XIRP2: variants seen among roughly 807,000 people sequenced by gnomAD.
XIRP2 encodes xin actin-binding repeat-containing protein 2.
XIRP2 carries 236 observed loss-of-function variants against 277.0 expected under a neutral mutation model. That is an observed-to-expected ratio of 0.85 (90% CI 0.77 to 0.95). XIRP2 has a LOEUF of 0.95. Ranked by LOEUF, XIRP2 falls within the 40% of genes least tolerant of loss-of-function variation. The probability of loss-of-function intolerance (pLI) is 0.00; values close to 1 mark genes in which losing one functional copy is unlikely to be tolerated. For missense variants in XIRP2, 4,640 were observed against 4,157.5 expected (o/e 1.12, Z -3.19); for synonymous variants, 1,490 against 1,416.5 (o/e 1.05, Z -1.17).
At chr2:167,113,855 A>C (rs1284466814) in intron 2 of XIRP2, among the ~76,000 whole-genome samples, 2 of 152,126 alleles carry the variant, frequency 1.3e-5, no homozygotes, top group Admixed American at 6.5e-5. Context: ...TCCCAACAGC[A>C]TTTGCTTATC....
intron 2 of XIRP2, among the ~76,000 whole-genome samples, chr2:167,120,215 A>C (rs1323638776): frequency 6.6e-6 from 1 of 152,124 alleles, no homozygotes; most frequent in Non-Finnish European, 1.5e-5. Context: ...CTGCCACTCC[A>C]TGAACTTTGT....
intron 3 of XIRP2, among the ~76,000 whole-genome samples, chr2:167,208,914 C>T (rs1010965448): frequency 2.0e-5 from 3 of 152,152 alleles, no homozygotes; most frequent in African/African-American, 7.2e-5. Context: ...AACAGCACAG[C>T]TGAATGTACA....
chr2:167,234,177 A>C (rs1042416905), intron 5 of XIRP2, among the ~76,000 whole-genome samples: 1 of 151,496 alleles, frequency 6.6e-6, no homozygotes, highest in East Asian at 1.9e-4. Context: ...TTTTAAGCCA[A>C]TTATTTTCTT....
In XIRP2 at chr2:166,888,725, T is replaced by C. The variant is rs114971337; in HGVS notation, c.-19+168T>C. On this transcript the variant is annotated intron_variant, in intron 1 of 10. Coordinates refer to ENST00000409195, the MANE Select transcript of XIRP2 (RefSeq NM_152381.6). ...CACAGCATCATCAACAAATTCAGGC[T>C]AGCGCTTAGTGACAGACACTGCTGC... Among the ~76,000 whole-genome samples, 861 of 152,348 alleles carry C rather than the reference T, an allele frequency of 5.7e-3. 11 individuals carry two copies. The highest frequency in any genetic ancestry group is 0.02 in the African/African-American group (823 of 41,590).
chr2:167,160,229 A>T (rs1692325057), intron 3 of XIRP2, among the ~76,000 whole-genome samples: 1 of 152,194 alleles, frequency 6.6e-6, no homozygotes, highest in South Asian at 2.1e-4. Context: ...GTGATTTTCT[A>T]CTGGAAAATA....
At position 167,093,015 on chromosome 2, in the gene XIRP2, A is replaced by G. The variant is rs114553613; in HGVS notation, c.409-42894A>G. Among the ~76,000 whole-genome samples the G allele has an allele frequency of 7.0e-3, 1,064 of 152,254 alleles. 15 individuals carry two copies. The highest frequency in any genetic ancestry group is 0.024 in the African/African-American group (1,005 of 41,510). ...GAGTGTACAGATGTTGAAGTAAACC[A>G]TATTCGTGGAAATAGGTGTGAAAGC... On this transcript the variant is annotated intron_variant, in intron 2 of 10. Transcript: ENST00000409195.
intron 2 of XIRP2, among the ~76,000 whole-genome samples, chr2:166,908,731 G>A (rs979939587): frequency 8.5e-5 from 13 of 152,134 alleles, no homozygotes; most frequent in African/African-American, 3.1e-4. Flanking sequence ...TTTTCTTCTA[G>A]GGTTTTTATG....
At chr2:167,058,948 A>G (rs1303510997) in intron 2 of XIRP2, among the ~76,000 whole-genome samples, 1 of 152,168 alleles carries the variant, frequency 6.6e-6, no homozygotes, top group Non-Finnish European at 1.5e-5. Context: ...GGCTGAGCTT[A>G]CTTACATTTA....
In XIRP2 at chr2:167,248,548, G is replaced by A. The variant is rs771362401; in HGVS notation, c.7156G>A (p.Glu2386Lys). 6.2e-7 allele frequency: 1 copy of A among 1,613,554 alleles called. No individual in the cohort carries two copies. The highest frequency in any genetic ancestry group is 8.5e-7 in the Non-Finnish European group (1 of 1,179,766). ...ACATCTCCTTTCCTCCTCTGCTCCG[G>A]AAAAGCACAGTGGAGACTTCATGCA... ...PAHLLSSSAP[E>K]KHSGDFMQQY... The change falls in exon 9 of 11, where the codon GAA becomes AAA. Residue 2386 changes from glutamate (E) to lysine (K), a missense_variant. Glu to Lys is a moderately conservative substitution (Grantham distance 56). Coordinates refer to ENST00000409195, the MANE Select transcript of XIRP2 (RefSeq NM_152381.6).
rs202178903 is a variant in XIRP2 at position 167,011,750 on chromosome 2, G to T, written c.408+107860G>T. Among the ~76,000 whole-genome samples the T allele has an allele frequency of 7.7e-3, 1,166 of 151,810 alleles. 70 individuals carry two copies. The East Asian group carries it at 0.16, about 21-fold the overall frequency. ...TATTGATTATTGCCACAATTTCAGA[G>T]CCTGTTATTGGTCTATTCAGAGATT... On this transcript the variant is annotated intron_variant, in intron 2 of 10. Coordinates refer to ENST00000409195, the MANE Select transcript of XIRP2 (RefSeq NM_152381.6).
intron 2 of XIRP2, among the ~76,000 whole-genome samples, chr2:167,089,670 A>G (rs1006800252): frequency 1.3e-5 from 2 of 152,076 alleles, no homozygotes; most frequent in Non-Finnish European, 2.9e-5. Flanking sequence ...ACTTAAGTAA[A>G]CATATGTGTG....
chr2:166,913,310 A>ACC (rs58517509), intron 2 of XIRP2, among the ~76,000 whole-genome samples: 4,667 of 114,270 alleles, frequency 0.041, 209 homozygotes, highest in East Asian at 0.12. Context: ...AATGGTGGGC[A>ACC]CCCCCCCCCC....
chr2:166,970,245 A>G (rs1016783553), intron 2 of XIRP2, among the ~76,000 whole-genome samples: 4 of 152,086 alleles, frequency 2.6e-5, no homozygotes, highest in African/African-American at 9.7e-5. Flanking sequence ...TGAGGGAGAC[A>G]TGAATAATCT....
At chr2:166,907,731 T>G (rs2105341237) in intron 2 of XIRP2, among the ~76,000 whole-genome samples, 1 of 151,428 alleles carries the variant, frequency 6.6e-6, no homozygotes, top group African/African-American at 2.4e-5. Flanking sequence ...GTCATTTACA[T>G]TAGGTATATC....
At chr2:167,061,667 T>C (rs1689177434) in intron 2 of XIRP2, among the ~76,000 whole-genome samples, 1 of 152,090 alleles carries the variant, frequency 6.6e-6, no homozygotes, top group Non-Finnish European at 1.5e-5. Context: ...AAATTACTGG[T>C]ATCTTTATAA....
At chr2:167,155,883 A>G (rs1692180565) in intron 3 of XIRP2, among the ~76,000 whole-genome samples, 1 of 151,202 alleles carries the variant, frequency 6.6e-6, no homozygotes. Context: ...TAAGCTGATA[A>G]GCAACTTCAG....
chr2:167,209,366 A>G (rs78937016), intron 3 of XIRP2, among the ~76,000 whole-genome samples: 194 of 152,326 alleles, frequency 1.3e-3, no homozygotes, highest in Admixed American at 2.1e-3. Context: ...AGATGCTAAT[A>G]GAAAAAGCAA....
intron 3 of XIRP2, among the ~76,000 whole-genome samples, chr2:167,162,137 C>T (rs569291461): frequency 2.6e-5 from 4 of 152,278 alleles, no homozygotes; most frequent in East Asian, 1.9e-4. Flanking sequence ...TATCAGCATT[C>T]GGTCAAAGCC....
In XIRP2 at chr2:167,136,015, C is replaced by A. The variant is rs143984674; in HGVS notation, c.515C>A (p.Ser172Tyr). 1.2e-6 allele frequency: 2 copies of A among 1,611,264 alleles called. No homozygotes were observed. Among genetic ancestry groups the A allele is most frequent in the Admixed American group, 3.4e-5 (2 of 59,338 alleles). ...TCAGACAAGAAAGGCAAGGAAACAT[C>A]TTTTGACAAGATGTCACCTGAAAGT... ...KDSDKKGKETSFDKMSPESGH... is the reference protein window; with the variant it reads ...KDSDKKGKETYFDKMSPESGH... Residue 172 changes from serine (S) to tyrosine (Y), a missense_variant, in exon 3 of 11, where the codon TCT (serine) becomes TAT (tyrosine). By Grantham distance (144) the Ser-to-Tyr change is moderately radical. Coordinates refer to ENST00000409195, the MANE Select transcript of XIRP2 (RefSeq NM_152381.6).
Sources: allele counts gnomAD v4.1 joint callset (sites outside exome capture counted in the v4.1 genomes callset), GRCh38; gene constraint gnomAD v4.1.1; transcripts MANE v1.5; gene names NCBI Gene and HGNC (gene_info 2026-07-23, HGNC 2026-07-21).